CARF: variants seen among roughly 807,000 people sequenced by gnomAD.
CARF encodes calcium responsive transcription factor.
In CARF, 57 loss-of-function variants were observed where a neutral mutation model predicts 82.0. That is an observed-to-expected ratio of 0.70 (90% CI 0.56 to 0.87). The LOEUF is 0.87. CARF is among the 40% of genes least tolerant of loss of function. The pLI is 0.00. For missense variants in CARF, 771 were observed against 855.8 expected, an observed-to-expected ratio of 0.90 and a Z score of 1.24; for synonymous variants, 268 against 290.1, an observed-to-expected ratio of 0.92 and a Z score of 0.77.
chr2:202,979,691 C>G (rs1041510034), intron 14 of CARF, among the ~76,000 whole-genome samples: 6 of 151,772 alleles, frequency 4.0e-5, no homozygotes, highest in Non-Finnish European at 5.9e-5. Flanking sequence ...GTCCCAGCTA[C>G]TCAGGAGGCT....
At chr2:202,952,816 C>G in intron 6 of CARF, 137 bp downstream of exon 6, 1 of 837,276 alleles carries the variant, frequency 1.2e-6, no homozygotes, top group Non-Finnish European at 1.7e-6. Flanking sequence ...TAGAAAACAG[C>G]TCTTTGCCCA....
chr2:202,976,450 A>C (rs1166472321), intron 13 of CARF, among the ~76,000 whole-genome samples: 1 of 152,068 alleles, frequency 6.6e-6, no homozygotes, highest in African/African-American at 2.4e-5. Flanking sequence ...TTGGGATTAC[A>C]GGCGTGAGCC....
chr2:202,959,118 A>C (rs966528230), intron 8 of CARF, among the ~76,000 whole-genome samples: 1 of 152,034 alleles, frequency 6.6e-6, no homozygotes, highest in Admixed American at 6.6e-5. Context: ...ATAAGTATAT[A>C]TAGTTCTGAT....
intron 9 of CARF, 52 bp from the exon 10 acceptor site, chr2:202,966,926 C>A (rs2059577476): frequency 3.1e-6 from 5 of 1,592,528 alleles, no homozygotes; most frequent in Non-Finnish European, 1.7e-6. Context: ...AATCTAGTGT[C>A]TAGAATAGAT....
In CARF at chr2:202,968,539, C is replaced by CT. The variant is rs1292650176; in HGVS notation, c.954-1370dup. On this transcript the variant is annotated intron_variant, in intron 10 of 16. Transcript: ENST00000438828. ...TGACTGTGAAACAAACTTTCAGTTGCTTTTTTTTTTCCATTTAGCCTTGAC... is the reference window on the plus strand; with the variant it reads ...TGACTGTGAAACAAACTTTCAGTTGCTTTTTTTTTTTCCATTTAGCCTTGAC... 1.5e-3 allele frequency among the ~76,000 whole-genome samples: 229 copies of CT among 149,232 alleles called. 1 individual carries two copies. Among genetic ancestry groups the CT allele is most frequent in the Middle Eastern group, 3.4e-3 (1 of 292 alleles).
intron 5 of CARF, among the ~76,000 whole-genome samples, chr2:202,946,590 G>A (rs537201038): frequency 4.9e-4 from 74 of 152,292 alleles, no homozygotes; most frequent in African/African-American, 1.6e-3. Flanking sequence ...ATAGGCATGG[G>A]CAAAGACTTC....
chr2:202,927,211 CTT>C (rs1021642290), intron 3 of CARF, among the ~76,000 whole-genome samples: 2 of 151,966 alleles, frequency 1.3e-5, no homozygotes, highest in Admixed American at 1.3e-4. Flanking sequence ...TGCATTATGT[CTT>C]TTTATTCTGT....
chr2:202,972,625 C>T (rs1467518239), intron 12 of CARF, among the ~76,000 whole-genome samples: 2 of 140,636 alleles, frequency 1.4e-5, no homozygotes, highest in East Asian at 2.1e-4. Flanking sequence ...TGCAGTGAGC[C>T]GAGATCGCGC....
chr2:202,970,301 A>T (rs1278873539), intron 11 of CARF, among the ~76,000 whole-genome samples: 1 of 152,160 alleles, frequency 6.6e-6, no homozygotes, highest in African/African-American at 2.4e-5. Flanking sequence ...TATAGCATAT[A>T]CTCTGTATAC....
chr2:202,932,831 T>G lies in CARF; in HGVS notation c.-44+8416T>G, dbSNP rs574418493. ...GGGGAAGATGACTACTAGATAAGTT[T>G]GGTCTGTAGGGCAGAGTGTCTCAGC... On this transcript the variant is annotated intron_variant, in intron 3 of 16. Coordinates refer to ENST00000438828, the MANE Select transcript of CARF (RefSeq NM_024744.17). Among the ~76,000 whole-genome samples, 191 of 151,972 alleles carry G rather than the reference T, an allele frequency of 1.3e-3. 1 individual carries two copies. The highest frequency in any genetic ancestry group is 4.2e-3 in the African/African-American group (172 of 41,416).
At chr2:202,914,560 C>T (rs2105925506) in intron 1 of CARF, among the ~76,000 whole-genome samples, 1 of 151,958 alleles carries the variant, frequency 6.6e-6, no homozygotes, top group East Asian at 1.9e-4. Flanking sequence ...GGGTGGAGCA[C>T]CTGAGGTCAG....
chr2:202,959,411 A>G (rs1256257030), intron 8 of CARF, among the ~76,000 whole-genome samples: 1 of 152,186 alleles, frequency 6.6e-6, no homozygotes, highest in African/African-American at 2.4e-5. Context: ...TTCTGCCCAC[A>G]TCTCTGTTCT....
intron 2 of CARF, among the ~76,000 whole-genome samples, chr2:202,919,427 A>G (rs1017575909): frequency 8.5e-5 from 13 of 152,202 alleles, no homozygotes; most frequent in Non-Finnish European, 1.9e-4. Flanking sequence ...AACTGGGAAT[A>G]TTTGGAATTC....
intron 3 of CARF, chr2:202,924,670 A>G (rs549157262): frequency 1.3e-5 from 2 of 153,938 alleles, no homozygotes; most frequent in East Asian, 3.8e-4. Context: ...TTGGTGGCCA[A>G]GGGCCTCCTT....
intron 12 of CARF, 74 bp downstream of exon 12, chr2:202,971,812 G>C: frequency 9.0e-7 from 1 of 1,111,292 alleles, no homozygotes; most frequent in Non-Finnish European, 1.3e-6. Flanking sequence ...GTGAACATTG[G>C]AGATATTTTC....
chr2:202,972,335 T>A (rs991636051), intron 12 of CARF, among the ~76,000 whole-genome samples: 3 of 152,052 alleles, frequency 2.0e-5, no homozygotes, highest in Non-Finnish European at 2.9e-5. Context: ...TTATCCCAAT[T>A]CTACACATGA....
intron 5 of CARF, among the ~76,000 whole-genome samples, chr2:202,943,535 T>C (rs1374914420): frequency 6.6e-6 from 1 of 151,496 alleles, no homozygotes; most frequent in Non-Finnish European, 1.5e-5. Context: ...ACATATTCTG[T>C]AACTAGTTCT....
chr2:202,941,827 G>A, intron 3 of CARF, 33 bp from the exon 4 acceptor site: 3 of 1,113,606 alleles, frequency 2.7e-6, no homozygotes, highest in South Asian at 2.6e-5. Flanking sequence ...AATACTAAGT[G>A]CTTTAGTTGA....
At chr2:202,944,511 T>A (rs182450995) in intron 5 of CARF, among the ~76,000 whole-genome samples, 6 of 152,332 alleles carry the variant, frequency 3.9e-5, no homozygotes, top group African/African-American at 1.2e-4. Flanking sequence ...GCCATTTTGC[T>A]CCTTTATGAT....
Sources: gnomAD v4.1 joint callset for allele counts (sites outside exome capture counted in the v4.1 genomes callset) on GRCh38, gnomAD v4.1.1 for gene constraint, MANE v1.5 for transcripts, NCBI Gene and HGNC (gene_info 2026-07-23, HGNC 2026-07-21) for gene names.